Variants in RDH12 observed in about 807,000 individuals in gnomAD.
RDH12 encodes the protein retinol dehydrogenase 12.
RDH12 carries 21 observed loss-of-function variants against 34.0 expected under a neutral mutation model. The observed-to-expected ratio is 0.62, with a 90% CI of 0.44 to 0.89. The LOEUF is 0.89. Among genes scored for constraint, RDH12 ranks in the 40% least tolerant of loss-of-function variants. RDH12 has a pLI of 0.00. For synonymous variants in RDH12, 198 were observed against 169.9 expected (o/e 1.17, Z -1.29); for missense variants, 394 against 398.6 (o/e 0.99, Z 0.10).
chr14:67,707,969 T>A (rs12880440), intron 1 of RDH12, among the ~76,000 whole-genome samples: 19,226 of 152,254 alleles, frequency 0.13, 1,483 homozygotes, highest in South Asian at 0.33. Context: ...AAGCACACCA[T>A]TCCAGTCAAA....
chr14:67,730,732 T>C (rs1481655372), intron 8 of RDH12, among the ~76,000 whole-genome samples: 1 of 152,072 alleles, frequency 6.6e-6, no homozygotes, highest in Admixed American at 6.6e-5. Context: ...GCCTCCTGAG[T>C]AGCTGGGATT....
At chr14:67,725,622 A>G (rs1469099895) in intron 5 of RDH12, among the ~76,000 whole-genome samples, 1 of 152,204 alleles carries the variant, frequency 6.6e-6, no homozygotes, top group Non-Finnish European at 1.5e-5. Context: ...ATCTTGGAAA[A>G]TGACCAGCTT....
intron 1 of RDH12, among the ~76,000 whole-genome samples, chr14:67,709,861 C>A (rs2037990891): frequency 6.6e-6 from 1 of 152,148 alleles, no homozygotes; most frequent in African/African-American, 2.4e-5. Flanking sequence ...CTTGGGCCCC[C>A]AAAATCACTA....
chr14:67,720,156 A>C (rs1314342863), intron 1 of RDH12, among the ~76,000 whole-genome samples: 1 of 152,182 alleles, frequency 6.6e-6, no homozygotes, highest in African/African-American at 2.4e-5. Flanking sequence ...TATAATTTTA[A>C]TTTGCATCTC....
rs1405342278 is a variant in RDH12 at position 67,729,172 on chromosome 14, T to C, written c.659-19T>C. On this transcript the variant is annotated intron_variant, in intron 7 of 8. Coordinates refer to ENST00000551171, the MANE Select transcript of RDH12 (RefSeq NM_152443.3). ...GCTCAGAGTGTGTCCCTGATCTAAT[T>C]GTGCCCTCTTTGTCCCAGGCACCGG... 1 of 1,612,374 alleles carries C rather than the reference T, an allele frequency of 6.2e-7. No individual in the cohort carries two copies.
At chr14:67,731,000 AT>A (rs2038264037) in intron 8 of RDH12, among the ~76,000 whole-genome samples, 1 of 152,108 alleles carries the variant, frequency 6.6e-6, no homozygotes, top group African/African-American at 2.4e-5. Flanking sequence ...AAGATATCTC[AT>A]TTTTTATATT....
intron 1 of RDH12, among the ~76,000 whole-genome samples, chr14:67,719,740 A>G (rs2038102879): frequency 6.6e-6 from 1 of 152,194 alleles, no homozygotes; most frequent in South Asian, 2.1e-4. Flanking sequence ...GGTTTCCCAA[A>G]GTGCAGGAAT....
chr14:67,726,082 T>C lies in RDH12; in HGVS notation c.375T>C (p.Asn125=), dbSNP rs1594865727. The stretch of plus-strand genomic sequence containing the variant: ...AGCAGCTCCATATTCTGATCAACAA[T>C]GCGGGAGTAATGATGTGTCCATATT... ...EEKQLHILIN[N]AGVMMCPYSK... The change falls in exon 6 of 9, where the codon AAT becomes AAC. Residue 125 remains asparagine (N), a synonymous_variant. Transcript: ENST00000551171. The C allele has an allele frequency of 1.9e-6, 3 of 1,614,042 alleles. No homozygotes were observed. The highest frequency in any genetic ancestry group is 3.3e-4 in the Middle Eastern group (2 of 6,062).
chr14:67,710,142 C>T (rs544843783), intron 1 of RDH12, among the ~76,000 whole-genome samples: 1 of 152,268 alleles, frequency 6.6e-6, no homozygotes, highest in East Asian at 1.9e-4. Flanking sequence ...TGTCTCATGT[C>T]TCCCTAAATG....
chr14:67,729,636 G>A (rs1353418018), intron 8 of RDH12: 3 of 615,014 alleles, frequency 4.9e-6, no homozygotes, highest in African/African-American at 3.7e-5. Context: ...CTTTCTGAAA[G>A]CTTTTAAAGA....
intron 1 of RDH12, among the ~76,000 whole-genome samples, chr14:67,707,160 T>A (rs2037959781): frequency 6.6e-6 from 1 of 152,100 alleles, no homozygotes; most frequent in Non-Finnish European, 1.5e-5. Context: ...TGACTCCAAA[T>A]TAGGAAAAAT....
chr14:67,734,005 C>T lies in RDH12; in HGVS notation c.*157C>T. On this transcript the variant is annotated 3_prime_UTR_variant, in exon 9 of 9. Coordinates refer to ENST00000551171, the MANE Select transcript of RDH12 (RefSeq NM_152443.3). ...TGACCCTTCTGGGAATGTTTGCACA[C>T]CTGACACTCTTGTGAGACTGGCTTA... 1.6e-6 allele frequency: 1 copy of T among 610,294 alleles called. No individual in the cohort carries two copies. 37.8% of individuals were successfully genotyped at this position (610,294 alleles called of 1,614,324 possible).
In RDH12 at chr14:67,733,964, C is replaced by T. The variant is rs2038320138; in HGVS notation, c.*116C>T. On this transcript the variant is annotated 3_prime_UTR_variant, in exon 9 of 9. Coordinates refer to ENST00000551171, the MANE Select transcript of RDH12 (RefSeq NM_152443.3). ...TGGCCAGCTGGTGCTGCGAATCCTG[C>T]CTGCTCTGATCCTCTTGACCCTTCT... 4.1e-6 allele frequency: 3 copies of T among 727,534 alleles called. No homozygotes were observed. Among genetic ancestry groups the T allele is most frequent in the African/African-American group, 1.8e-5 (1 of 57,106 alleles). The allele number at this position is 727,534 out of a possible 1,614,324, so 45.1% of individuals were successfully genotyped here. A position where few individuals can be genotyped will look rare whatever the true frequency, so the allele number is the denominator to read the frequency against.
At chr14:67,733,232 G>A (rs1160884132) in intron 8 of RDH12, among the ~76,000 whole-genome samples, 2 of 152,136 alleles carry the variant, frequency 1.3e-5, no homozygotes, top group Non-Finnish European at 2.9e-5. Flanking sequence ...CAAATCTGGA[G>A]GGCTTGGTCT....
At position 67,725,099 on chromosome 14, in the gene RDH12, G is replaced by A. The variant is rs1336266291; in HGVS notation, c.188G>A (p.Gly63Glu). The A allele has an allele frequency of 3.1e-6, 5 of 1,614,036 alleles. No homozygotes were observed. Among genetic ancestry groups the A allele is most frequent in the East Asian group, 2.2e-5 (1 of 44,896 alleles). ...TGCTCTTTTTTTGTCTTGGACCCAGGAGCCCGAGTCTATATTGCCTGCAGA... is the reference window on the plus strand; with the variant it reads ...TGCTCTTTTTTTGTCTTGGACCCAGAAGCCCGAGTCTATATTGCCTGCAGA... ...KETARELASR[G>E]ARVYIACRDV... The change falls in exon 5 of 9, where the codon GGA becomes GAA. Residue 63 changes from glycine (G) to glutamate (E), a missense_variant and splice_region_variant. Coordinates refer to ENST00000551171, the MANE Select transcript of RDH12 (RefSeq NM_152443.3).
At chr14:67,717,176 AG>A (rs2038078101) in intron 1 of RDH12, among the ~76,000 whole-genome samples, 1 of 152,172 alleles carries the variant, frequency 6.6e-6, no homozygotes, top group South Asian at 2.1e-4. Context: ...ATACAGTGAA[AG>A]GCACAAGTCT....
chr14:67,708,607 A>C (rs542779557), intron 1 of RDH12, among the ~76,000 whole-genome samples: 114 of 152,312 alleles, frequency 7.5e-4, no homozygotes, highest in African/African-American at 2.6e-3. Context: ...GATAATGTAC[A>C]CTAAGTCATA....
intron 7 of RDH12, chr14:67,728,294 C>T (rs1211076369): frequency 6.6e-6 from 1 of 152,112 alleles, no homozygotes; most frequent in African/African-American, 2.4e-5. Flanking sequence ...TTTATGTGTG[C>T]CATGTACTAC....
intron 7 of RDH12, chr14:67,727,471 TTTTTGTTTTTTTTG>T (rs2038202388): frequency 8.7e-6 from 3 of 345,106 alleles, no homozygotes; most frequent in East Asian, 7.2e-5. Context: ...AGACAGAGGC[TTTTTGTTTTTTTTG>T]TTTTTTTTTT....
Sources: gnomAD v4.1 joint callset for allele counts (sites outside exome capture counted in the v4.1 genomes callset) on GRCh38, gnomAD v4.1.1 for gene constraint, MANE v1.5 for transcripts, NCBI Gene and HGNC (gene_info 2026-07-23, HGNC 2026-07-21) for gene names.